Variants in VGLL3 observed in about 807,000 individuals in gnomAD.
VGLL3 encodes vestigial like family member 3, also known as transcription cofactor vestigial-like protein 3.
A neutral mutation model predicts 29.2 loss-of-function variants in VGLL3; 18 were observed. The ratio of observed to expected loss-of-function variants is 0.62; its 90% confidence interval spans 0.43 to 0.91. VGLL3 has a LOEUF of 0.91. VGLL3 is among the 40% of genes least tolerant of loss of function. VGLL3 has a pLI of 0.00. For missense variants in VGLL3, 440 were observed against 413.2 expected (o/e 1.06, Z -0.56); for synonymous variants, 180 against 151.8 (o/e 1.19, Z -1.36).
chr3:86,969,314 T>C (rs1181603319), intron 2 of VGLL3, among the ~76,000 whole-genome samples, 191 bp from the exon 3 acceptor site: 1 of 152,242 alleles, frequency 6.6e-6, no homozygotes, highest in Admixed American at 6.5e-5. Flanking sequence ...AATGGGTCCA[T>C]GTGCAAGATC....
rs1391836182 is a variant in VGLL3 at position 86,946,175 on chromosome 3, A to G, written c.*849T>C. 2 of 152,062 alleles carry G rather than the reference A, an allele frequency of 1.3e-5. No homozygotes were observed. Among genetic ancestry groups the G allele is most frequent in the East Asian group, 3.9e-4 (2 of 5,190 alleles). The allele number at this position is 152,062 out of a possible 1,614,324, so 9.4% of individuals were successfully genotyped here. A position where few individuals can be genotyped will look rare whatever the true frequency, so the allele number is the denominator to read the frequency against. On this transcript the variant is annotated 3_prime_UTR_variant, in exon 4 of 4. Transcript: ENST00000398399. ...AAGAGAATTAGTCTCCTCTAGGCAAACTCTTCATTTGATTGAAAGTTTATG... is the reference window on the plus strand; with the variant it reads ...AAGAGAATTAGTCTCCTCTAGGCAAGCTCTTCATTTGATTGAAAGTTTATG...
chr3:86,985,512 C>T (rs1203309469), intron 1 of VGLL3, among the ~76,000 whole-genome samples: 3 of 152,182 alleles, frequency 2.0e-5, no homozygotes, highest in African/African-American at 4.8e-5. Flanking sequence ...GTTCAGACCA[C>T]ACTTGTAAAT....
intron 1 of VGLL3, among the ~76,000 whole-genome samples, chr3:86,988,707 A>C (rs1261764907): frequency 0.068 from 9,458 of 138,474 alleles, 1,527 homozygotes; most frequent in African/African-American, 0.21. Context: ...AGGAGAAGAA[A>C]AAGAAGAAAA....
intron 3 of VGLL3, among the ~76,000 whole-genome samples, chr3:86,950,653 T>C (rs1349905180): frequency 6.6e-6 from 1 of 152,182 alleles, no homozygotes; most frequent in Non-Finnish European, 1.5e-5. Flanking sequence ...CTCAGGGATT[T>C]TTTAAAAATT....
chr3:86,978,435 T>A (rs1705252851), intron 2 of VGLL3, 91 bp downstream of exon 2: 2 of 1,410,514 alleles, frequency 1.4e-6, no homozygotes, highest in Middle Eastern at 2.3e-4. Context: ...TGGATATCCA[T>A]CCTCAGGGGC....
intron 3 of VGLL3, among the ~76,000 whole-genome samples, chr3:86,956,294 G>A (rs1021843311): frequency 6.6e-6 from 1 of 152,124 alleles, no homozygotes. Flanking sequence ...GCTTTGTGTC[G>A]TTCTCTATTG....
chr3:86,969,488 G>A (rs2107021019), intron 2 of VGLL3, among the ~76,000 whole-genome samples: 1 of 152,282 alleles, frequency 6.6e-6, no homozygotes, highest in East Asian at 1.9e-4. Flanking sequence ...CACTGGTAAA[G>A]AAATCTTATG....
chr3:86,970,400 C>G (rs1053131458), intron 2 of VGLL3, among the ~76,000 whole-genome samples: 1 of 151,370 alleles, frequency 6.6e-6, no homozygotes, highest in African/African-American at 2.4e-5. Flanking sequence ...TGGAAGCTGA[C>G]AGACTGAGTG....
intron 1 of VGLL3, among the ~76,000 whole-genome samples, chr3:86,988,675 A>AGTAGG (rs1196007629): frequency 7.4e-6 from 1 of 135,418 alleles, no homozygotes; most frequent in East Asian, 2.2e-4. Context: ...AAAAAAAAAA[A>AGTAGG]AAAAAAAAAA....
rs769464150 is a variant in VGLL3 at position 86,945,219 on chromosome 3, A to G, written c.*1805T>C. The G allele has an allele frequency of 6.6e-6, 1 of 152,202 alleles. No homozygotes were observed. The allele number at this position is 152,202 out of a possible 1,614,324, so 9.4% of individuals were successfully genotyped here. On this transcript the variant is annotated 3_prime_UTR_variant, in exon 4 of 4. Transcript: ENST00000398399. ...CGGAGTGATGAGAGTACAAAAGAGTATATAGATCTGAAGCTCAAAAGACGG... is the reference window on the plus strand; with the variant it reads ...CGGAGTGATGAGAGTACAAAAGAGTGTATAGATCTGAAGCTCAAAAGACGG...
chr3:86,954,480 C>G (rs1211546621), intron 3 of VGLL3, among the ~76,000 whole-genome samples: 1 of 152,188 alleles, frequency 6.6e-6, no homozygotes, highest in African/African-American at 2.4e-5. Flanking sequence ...CTTCCTCAGA[C>G]ATGTGCATAT....
chr3:86,960,935 A>G (rs1334519931), intron 3 of VGLL3, among the ~76,000 whole-genome samples: 74 of 7,546 alleles, frequency 9.8e-3, no homozygotes, highest in African/African-American at 0.022. Context: ...TAATTGTGAT[A>G]TATATATATA....
At chr3:86,956,106 T>C (rs560831808) in intron 3 of VGLL3, among the ~76,000 whole-genome samples, 8 of 152,220 alleles carry the variant, frequency 5.3e-5, no homozygotes, top group Non-Finnish European at 1.0e-4. Flanking sequence ...AATTTTTCTA[T>C]ATAATCTTTG....
intron 2 of VGLL3, among the ~76,000 whole-genome samples, chr3:86,976,129 C>T (rs767065255): frequency 1.9e-4 from 29 of 151,788 alleles, no homozygotes; most frequent in Non-Finnish European, 3.5e-4. Context: ...AAAAAAAGTT[C>T]TAAAGCATCT....
intron 1 of VGLL3, 69 bp downstream of exon 1, chr3:86,990,549 G>A (rs763023337): frequency 9.2e-6 from 12 of 1,306,636 alleles, no homozygotes; most frequent in Non-Finnish European, 1.1e-5. Context: ...GGACGTCGCC[G>A]AGCCCCAGAC....
rs369382634 is a variant in VGLL3 at position 86,978,536 on chromosome 3, G to T, written c.393C>A (p.Pro131=). The change falls in exon 2 of 4, where the codon CCC becomes CCA. Residue 131 remains proline (P), a synonymous_variant. Transcript: ENST00000398399. The part of the protein sequence containing the change: ...AISKSKMGLT[P]LWRDSSALSS... ...CTTTTGAATTCTTACCTCGCCATAGGGGGGTTAGCCCCATCTTGCTTTTTG... is the reference window on the plus strand; with the variant it reads ...CTTTTGAATTCTTACCTCGCCATAGTGGGGTTAGCCCCATCTTGCTTTTTG... 5.6e-6 allele frequency: 9 copies of T among 1,613,904 alleles called. No homozygotes were observed. The highest frequency in any genetic ancestry group is 1.6e-4 in the Middle Eastern group (1 of 6,082).
Position 86,941,185 on chromosome 3 carries a change from GA to G in VGLL3, c.*5838del, listed in dbSNP as rs72417699. 7.3e-3 allele frequency: 1,063 copies of G among 146,018 alleles called. 5 individuals are homozygous for G. The highest frequency in any genetic ancestry group is 0.01 in the Non-Finnish European group (693 of 66,052). 9.0% of individuals were successfully genotyped at this position (146,018 alleles called of 1,614,324 possible). A position where few individuals can be genotyped will look rare whatever the true frequency, so the allele number is the denominator to read the frequency against. ...AACCTTTCCCTATGTTTTATCTCCTGAAAAAAAAAATGTATGGAATAGTATT... is the reference window on the plus strand; with the variant it reads ...AACCTTTCCCTATGTTTTATCTCCTGAAAAAAAAATGTATGGAATAGTATT... On this transcript the variant is annotated 3_prime_UTR_variant, in exon 4 of 4. Transcript: ENST00000398399.
intron 1 of VGLL3, among the ~76,000 whole-genome samples, chr3:86,989,743 C>T (rs1455153620): frequency 6.6e-6 from 1 of 152,090 alleles, no homozygotes; most frequent in Non-Finnish European, 1.5e-5. Context: ...GCCCTTGCCA[C>T]ATACATTTTT....
intron 1 of VGLL3, 41 bp from the exon 2 acceptor site, chr3:86,978,843 G>A: frequency 6.6e-7 from 1 of 1,517,886 alleles, no homozygotes; most frequent in Non-Finnish European, 8.8e-7. Context: ...AAGACAGTTT[G>A]TAGAAAAGCA....
Sources: gnomAD v4.1 joint callset for allele counts (sites outside exome capture counted in the v4.1 genomes callset) on GRCh38, gnomAD v4.1.1 for gene constraint, MANE v1.5 for transcripts, NCBI Gene and HGNC (gene_info 2026-07-23, HGNC 2026-07-21) for gene names.